The following RABGAP1L variants were observed in gnomAD, a reference collection of about 807,000 sequenced individuals.
RABGAP1L encodes rab GTPase-activating protein 1-like.
In RABGAP1L, 63 loss-of-function variants were observed where a neutral mutation model predicts 137.7. The observed-to-expected ratio is 0.46, with a 90% confidence interval of 0.37 to 0.56. The LOEUF (loss-of-function observed/expected upper bound fraction) is 0.56, where lower values mean the gene tolerates loss of function less well. Among genes scored for constraint, RABGAP1L ranks in the 20% least tolerant of loss-of-function variants. The probability of loss-of-function intolerance (pLI) is 0.00; values close to 1 mark genes in which losing one functional copy is unlikely to be tolerated. For missense variants in RABGAP1L, 1,095 were observed against 1,244.0 expected (o/e 0.88, Z 1.80); for synonymous variants, 431 against 433.7 (o/e 0.99, Z 0.08).
intron 13 of RABGAP1L, among the ~76,000 whole-genome samples, chr1:174,425,951 A>G (rs1002998275): frequency 1.3e-5 from 2 of 152,116 alleles, no homozygotes; most frequent in Non-Finnish European, 2.9e-5. Flanking sequence ...GATTTGAACT[A>G]TATTTATAAA....
At chr1:174,861,928 C>A (rs1650329307) in intron 19 of RABGAP1L, among the ~76,000 whole-genome samples, 1 of 151,994 alleles carries the variant, frequency 6.6e-6, no homozygotes, top group East Asian at 1.9e-4. Context: ...TGACTGTTTC[C>A]TTTGCTGTGC....
chr1:174,327,956 A>AATATATATATATATATAC lies in RABGAP1L; in HGVS notation c.1465+22846_1465+22847insCATATATATATATATATA, dbSNP rs1553274442. On this transcript the variant is annotated intron_variant, in intron 11 of 25. Coordinates refer to ENST00000681986, the MANE Select transcript of RABGAP1L (RefSeq NM_001366446.1). ...AGAGCAAAAGGATATAACAGTTGTA[A>AATATATATATATATATAC]ATATATATATATATATATATATACA... Among the ~76,000 whole-genome samples, 187 of 97,928 alleles carry AATATATATATATATATAC rather than the reference A, an allele frequency of 1.9e-3. 8 individuals carry two copies. Among genetic ancestry groups the AATATATATATATATATAC allele is most frequent in the African/African-American group, 8.0e-3 (178 of 22,294 alleles). The allele number at this position is 97,928 out of a possible 152,430, so 64.2% of individuals were successfully genotyped here. A position where few individuals can be genotyped will look rare whatever the true frequency, so the allele number is the denominator to read the frequency against.
intron 13 of RABGAP1L, among the ~76,000 whole-genome samples, chr1:174,573,665 G>T (rs1668159262): frequency 6.6e-6 from 1 of 151,700 alleles, no homozygotes; most frequent in Non-Finnish European, 1.5e-5. Flanking sequence ...TTCTGCTTCT[G>T]AAATGTGGTA....
At chr1:174,633,821 G>C (rs1340055443) in intron 13 of RABGAP1L, among the ~76,000 whole-genome samples, 7 of 133,078 alleles carry the variant, frequency 5.3e-5, no homozygotes, top group Non-Finnish European at 9.4e-5. Context: ...TGGGAAAACT[G>C]GCTAGCCATA....
intron 10 of RABGAP1L, among the ~76,000 whole-genome samples, chr1:174,294,567 C>T (rs1160192308): frequency 3.9e-5 from 6 of 152,176 alleles, no homozygotes; most frequent in African/African-American, 1.4e-4. Flanking sequence ...AGGGTTTTAA[C>T]TTCTGAATGA....
At position 174,991,660 on chromosome 1, in the gene RABGAP1L, G is replaced by T. The variant is rs563144190; in HGVS notation, c.*1659G>T. On this transcript the variant is annotated 3_prime_UTR_variant, in exon 26 of 26. Transcript: ENST00000681986. ...TTTCTTACATAAATCTTTCATTGTT[G>T]TTCTGACATCTTTCATTACAAAATT... The T allele has an allele frequency of 7.2e-5, 11 of 152,042 alleles. No individual in the cohort carries two copies. The highest frequency in any genetic ancestry group is 2.0e-4 in the Admixed American group (3 of 15,292). The allele number at this position is 152,042 out of a possible 1,614,324, so 9.4% of individuals were successfully genotyped here. A position where few individuals can be genotyped will look rare whatever the true frequency, so the allele number is the denominator to read the frequency against.
At chr1:174,659,951 C>T (rs1404446707) in intron 14 of RABGAP1L, among the ~76,000 whole-genome samples, 1 of 152,154 alleles carries the variant, frequency 6.6e-6, no homozygotes, top group Non-Finnish European at 1.5e-5. Flanking sequence ...ACCACCAGAA[C>T]AGCAATCCCA....
At chr1:174,423,423 A>T (rs1177286169) in intron 13 of RABGAP1L, among the ~76,000 whole-genome samples, 1 of 152,094 alleles carries the variant, frequency 6.6e-6, no homozygotes, top group East Asian at 1.9e-4. Flanking sequence ...TGTCCTTTGG[A>T]CTTTTGCTTC....
chr1:174,321,311 G>A (rs1000382972), intron 11 of RABGAP1L, among the ~76,000 whole-genome samples: 2 of 152,048 alleles, frequency 1.3e-5, no homozygotes, highest in Admixed American at 6.6e-5. Context: ...CTGTGATCTC[G>A]CTCTGCCCCC....
At position 174,436,725 on chromosome 1, in the gene RABGAP1L, T is replaced by C. The variant is rs2149214761; in HGVS notation, c.1710+42580T>C. On this transcript the variant is annotated intron_variant, in intron 13 of 25. Coordinates refer to ENST00000681986, the MANE Select transcript of RABGAP1L (RefSeq NM_001366446.1). ...TTTTGGTGTTTTAGACATGAAGTCC[T>C]TGTCCATGCCTATGCTTGAGATCTC... 3.3e-5 allele frequency among the ~76,000 whole-genome samples: 5 copies of C among 152,310 alleles called. No individual in the cohort carries two copies. In the South Asian group the frequency reaches 1.0e-3, roughly 32 times the overall value.
chr1:174,557,097 G>A (rs1049980444), intron 13 of RABGAP1L, among the ~76,000 whole-genome samples: 3 of 152,160 alleles, frequency 2.0e-5, no homozygotes, highest in Non-Finnish European at 4.4e-5. Context: ...AGGTCAGCCC[G>A]ACTGGCTTGT....
intron 18 of RABGAP1L, among the ~76,000 whole-genome samples, chr1:174,789,514 A>T (rs1449289751): frequency 1.3e-5 from 2 of 152,164 alleles, no homozygotes; most frequent in Non-Finnish European, 2.9e-5. Flanking sequence ...TTGTCATAAG[A>T]ATGTATAATA....
intron 25 of RABGAP1L, among the ~76,000 whole-genome samples, chr1:174,989,516 TCATC>T (rs1395444984): frequency 6.6e-6 from 1 of 152,222 alleles, no homozygotes; most frequent in African/African-American, 2.4e-5. Context: ...CAGTAAAAAT[TCATC>T]CATATGTTTA....
chr1:174,350,948 C>T (rs1221546349), intron 11 of RABGAP1L, among the ~76,000 whole-genome samples: 53 of 112,972 alleles, frequency 4.7e-4, no homozygotes, highest in African/African-American at 9.3e-4. Flanking sequence ...GGCGTGGCGG[C>T]GCGTGCCTGC....
intron 19 of RABGAP1L, among the ~76,000 whole-genome samples, chr1:174,934,120 A>C (rs1243324315): frequency 6.6e-6 from 1 of 151,922 alleles, no homozygotes; most frequent in Non-Finnish European, 1.5e-5. Flanking sequence ...ATGGAGTCTC[A>C]CTCTGTTGCC....
At position 174,272,494 on chromosome 1, in the gene RABGAP1L, T is replaced by C; in HGVS notation, c.1053+14T>C. The C allele has an allele frequency of 6.4e-7, 1 of 1,565,166 alleles. No individual in the cohort carries two copies. ...TTACTGGATATGGTAATGATAATCT[T>C]AAGCACCTTAACCAAGTATAGATGA... On this transcript the variant is annotated intron_variant, in intron 8 of 25. Coordinates refer to ENST00000681986, the MANE Select transcript of RABGAP1L (RefSeq NM_001366446.1).
At chr1:174,974,464 C>G (rs1670474402) in intron 21 of RABGAP1L, among the ~76,000 whole-genome samples, 1 of 152,094 alleles carries the variant, frequency 6.6e-6, no homozygotes, top group Admixed American at 6.5e-5. Context: ...AAATGCCGTA[C>G]TTTATGCCAC....
At position 174,635,675 on chromosome 1, in the gene RABGAP1L, C is replaced by G. The variant is rs532769405; in HGVS notation, c.1711-1700C>G. Among the ~76,000 whole-genome samples, 109 of 152,174 alleles carry G rather than the reference C, an allele frequency of 7.2e-4. No individual in the cohort carries two copies. The South Asian group carries it at 7.3e-3, about 10-fold the overall frequency. ...TTAATTCAGGTTTAGCATTTCATTCCTGTAAGCCATCAGAATTTCCTCTGG... is the reference window on the plus strand; with the variant it reads ...TTAATTCAGGTTTAGCATTTCATTCGTGTAAGCCATCAGAATTTCCTCTGG... On this transcript the variant is annotated intron_variant, in intron 13 of 25. Coordinates refer to ENST00000681986, the MANE Select transcript of RABGAP1L (RefSeq NM_001366446.1).
At chr1:174,642,352 C>G (rs1172131558) in intron 14 of RABGAP1L, among the ~76,000 whole-genome samples, 1 of 151,982 alleles carries the variant, frequency 6.6e-6, no homozygotes, top group Non-Finnish European at 1.5e-5. Context: ...AAAACTAGAG[C>G]AGTTAAAGTA....
Sources: allele counts gnomAD v4.1 joint callset (sites outside exome capture counted in the v4.1 genomes callset), GRCh38; gene constraint gnomAD v4.1.1; transcripts MANE v1.5; gene names NCBI Gene and HGNC (gene_info 2026-07-23, HGNC 2026-07-21).